The following SPMAP2L variants were observed in gnomAD, a reference collection of about 807,000 sequenced individuals.
SPMAP2L encodes the protein sperm microtubule associated protein 2 like.
chr4:56,577,124 G>A, the SPMAP2L span, among the ~76,000 whole-genome samples: 1 of 150,254 alleles, frequency 6.7e-6, no homozygotes, highest in Non-Finnish European at 1.5e-5. Context: ...TGAAGGATTG[G>A]CGAGGTGTGG....
the SPMAP2L span, among the ~76,000 whole-genome samples, chr4:56,553,036 C>T: frequency 6.6e-6 from 1 of 152,114 alleles, no homozygotes; most frequent in Non-Finnish European, 1.5e-5. Flanking sequence ...AATCCTGATA[C>T]CTCTAAGCCT....
At chr4:56,600,091 T>G in the SPMAP2L span, among the ~76,000 whole-genome samples, 5 of 145,260 alleles carry the variant, frequency 3.4e-5, no homozygotes, top group Non-Finnish European at 7.5e-5. Context: ...TGTTTTTCTT[T>G]GCTTTCTTTT....
the SPMAP2L span, chr4:56,575,499 T>G: frequency 4.6e-6 from 7 of 1,534,432 alleles, no homozygotes; most frequent in South Asian, 8.3e-5. Flanking sequence ...CTTCTACAAC[T>G]TGCAGGGCTC....
the SPMAP2L span, chr4:56,594,220 C>G: frequency 6.2e-7 from 1 of 1,608,412 alleles, no homozygotes; most frequent in Non-Finnish European, 8.5e-7. Context: ...CGTTCCTCAC[C>G]CATCAAGTGT....
At chr4:56,562,560 A>T in the SPMAP2L span, among the ~76,000 whole-genome samples, 1 of 152,192 alleles carries the variant, frequency 6.6e-6, no homozygotes, top group African/African-American at 2.4e-5. Context: ...AATAAAACTC[A>T]ATACCACTCA....
the SPMAP2L span, chr4:56,575,578 C>T: frequency 2.6e-6 from 4 of 1,535,370 alleles, no homozygotes; most frequent in South Asian, 3.6e-5. Flanking sequence ...GTTTAGACAA[C>T]CCTCCAAAAG....
At chr4:56,559,283 G>A in the SPMAP2L span, 2 of 938,522 alleles carry the variant, frequency 2.1e-6, no homozygotes, top group Admixed American at 4.6e-5. Context: ...TCCAGCCTGG[G>A]CAACAGAGCA....
At chr4:56,533,197 A>G in the SPMAP2L span, among the ~76,000 whole-genome samples, 4 of 152,194 alleles carry the variant, frequency 2.6e-5, no homozygotes, top group East Asian at 3.9e-4. Flanking sequence ...TATGCCAACT[A>G]TGATAACTGA....
chr4:56,537,752 GC>G, the SPMAP2L span, among the ~76,000 whole-genome samples: 34 of 150,976 alleles, frequency 2.3e-4, no homozygotes, highest in Middle Eastern at 0.01. Context: ...GTGCAGTGGC[GC>G]GCGATCTCGG....
At chr4:56,534,898 C>T in the SPMAP2L span, among the ~76,000 whole-genome samples, 1,567 of 152,254 alleles carry the variant, frequency 0.01, 24 homozygotes, top group African/African-American at 0.036. Context: ...CATTGCAATC[C>T]AGCCTGCACA....
At chr4:56,609,859 G>T in the SPMAP2L span, among the ~76,000 whole-genome samples, 1 of 152,170 alleles carries the variant, frequency 6.6e-6, no homozygotes, top group African/African-American at 2.4e-5. Context: ...TTCCCAGGCT[G>T]TAGAACTGTG....
At chr4:56,534,390 C>G in the SPMAP2L span, among the ~76,000 whole-genome samples, 2 of 152,160 alleles carry the variant, frequency 1.3e-5, no homozygotes, top group African/African-American at 4.8e-5. Flanking sequence ...GTTCTTTAGT[C>G]AGTTTCCTTT....
chr4:56,598,846 G>A, the SPMAP2L span, among the ~76,000 whole-genome samples: 2,841 of 152,162 alleles, frequency 0.019, 46 homozygotes, highest in Non-Finnish European at 0.026. Context: ...TCAAGGGAAG[G>A]ACCAGGTGGA....
chr4:56,537,866 T>C, the SPMAP2L span, among the ~76,000 whole-genome samples: 1 of 152,102 alleles, frequency 6.6e-6, no homozygotes, highest in South Asian at 2.1e-4. Flanking sequence ...CTAATTTTTT[T>C]GTATTTTTAG....
chr4:56,556,228 G>A, the SPMAP2L span, among the ~76,000 whole-genome samples: 1 of 152,168 alleles, frequency 6.6e-6, no homozygotes, highest in Non-Finnish European at 1.5e-5. Context: ...AAATAATGCA[G>A]GAGAGAAATA....
chr4:56,583,239 A>G, the SPMAP2L span, among the ~76,000 whole-genome samples: 3 of 151,686 alleles, frequency 2.0e-5, no homozygotes, highest in African/African-American at 7.3e-5. Context: ...GTGCTACTGC[A>G]CTCCAGCCTG....
chr4:56,559,245 GA>G, the SPMAP2L span: 2 of 620,982 alleles, frequency 3.2e-6, no homozygotes, highest in Non-Finnish European at 4.5e-6. Context: ...AGGTTGCAGT[GA>G]GCCGAGATCG....
the SPMAP2L span, among the ~76,000 whole-genome samples, chr4:56,605,723 A>C: frequency 7.9e-5 from 12 of 152,100 alleles, no homozygotes; most frequent in African/African-American, 2.9e-4. Flanking sequence ...CTGGGTAAAC[A>C]GATCCTCAGC....
chr4:56,531,192 C>T, the SPMAP2L span: 2 of 1,506,644 alleles, frequency 1.3e-6, no homozygotes, highest in East Asian at 4.9e-5. Context: ...CTTCCCTCGT[C>T]CCCTCTCCTG....
Sources: allele counts gnomAD v4.1 joint callset (sites outside exome capture counted in the v4.1 genomes callset), GRCh38; gene constraint gnomAD v4.1.1; transcripts MANE v1.5; gene names NCBI Gene and HGNC (gene_info 2026-07-23, HGNC 2026-07-21).